The following SLIT2 variants were observed in gnomAD, a reference collection of about 807,000 sequenced individuals.
SLIT2 encodes slit guidance ligand 2.
SLIT2 carries 41 observed loss-of-function variants against 185.7 expected under a neutral mutation model. That is an observed-to-expected ratio of 0.22 (90% CI 0.17 to 0.29). SLIT2 has a LOEUF of 0.29. SLIT2 is among the 10% of genes least tolerant of loss of function. The pLI is 1.00. For synonymous variants in SLIT2, 693 were observed against 680.2 expected, an observed-to-expected ratio of 1.02 and a Z score of -0.29; for missense variants, 1,571 against 1,909.0, an observed-to-expected ratio of 0.82 and a Z score of 3.30.
chr4:20,257,211 A>C (rs1270554054), intron 2 of SLIT2, among the ~76,000 whole-genome samples: 2 of 152,148 alleles, frequency 1.3e-5, no homozygotes, highest in Non-Finnish European at 2.9e-5. Context: ...TTATAATGAT[A>C]CATTAGTCAT....
intron 4 of SLIT2, among the ~76,000 whole-genome samples, chr4:20,345,973 A>C (rs1479664782): frequency 6.6e-6 from 1 of 151,302 alleles, no homozygotes; most frequent in Non-Finnish European, 1.5e-5. Context: ...AAGTTTCTCA[A>C]CCTAGGCACT....
At chr4:20,426,224 G>C (rs1045293300) in intron 4 of SLIT2, among the ~76,000 whole-genome samples, 2 of 152,162 alleles carry the variant, frequency 1.3e-5, no homozygotes, top group Admixed American at 1.3e-4. Context: ...AGTAGGGAAG[G>C]AAAGGATATC....
At position 20,376,115 on chromosome 4, in the gene SLIT2, C is replaced by CTTT. The variant is rs71653881; in HGVS notation, c.396-91613_396-91611dup. Among the ~76,000 whole-genome samples the CTTT allele has an allele frequency of 2.9e-4, 23 of 79,666 alleles. No homozygotes were observed. The East Asian group carries it at 4.0e-3, about 14-fold the overall frequency. The allele number at this position is 79,666 out of a possible 152,430, so 52.3% of individuals were successfully genotyped here. A position where few individuals can be genotyped will look rare whatever the true frequency, so the allele number is the denominator to read the frequency against. On this transcript the variant is annotated intron_variant, in intron 4 of 36. Transcript: ENST00000504154. ...CAATGAGAAGAATATCATTGTTTAA[C>CTTT]TTTTTTTTTTTTTTTTTTTTTTTTT...
At chr4:20,259,231 TA>T (rs1011695687) in intron 3 of SLIT2, among the ~76,000 whole-genome samples, 1 of 151,736 alleles carries the variant, frequency 6.6e-6, no homozygotes, top group African/African-American at 2.4e-5. Flanking sequence ...TCTAAATATA[TA>T]AAAAATACTC....
chr4:20,309,081 C>T (rs1156725188), intron 4 of SLIT2, among the ~76,000 whole-genome samples: 1 of 151,864 alleles, frequency 6.6e-6, no homozygotes, highest in Non-Finnish European at 1.5e-5. Flanking sequence ...TATGATTCTC[C>T]TTGTTTGTAA....
At chr4:20,604,174 C>G (rs1728613721) in intron 33 of SLIT2, among the ~76,000 whole-genome samples, 1 of 151,992 alleles carries the variant, frequency 6.6e-6, no homozygotes, top group Non-Finnish European at 1.5e-5. Context: ...GAATAAATAC[C>G]CAAGTGGGAA....
intron 4 of SLIT2, among the ~76,000 whole-genome samples, chr4:20,438,561 A>T (rs1230391396): frequency 6.6e-6 from 1 of 152,098 alleles, no homozygotes; most frequent in African/African-American, 2.4e-5. Flanking sequence ...GAGCTACAAG[A>T]TGAGATTTGG....
intron 11 of SLIT2, among the ~76,000 whole-genome samples, chr4:20,515,855 A>C (rs1198065915): frequency 2.6e-5 from 4 of 151,888 alleles, no homozygotes. Flanking sequence ...TCGCACTGTC[A>C]CCGAGGCTGG....
chr4:20,402,959 G>A (rs1726476309), intron 4 of SLIT2, among the ~76,000 whole-genome samples: 2 of 151,304 alleles, frequency 1.3e-5, no homozygotes, highest in South Asian at 4.2e-4. Flanking sequence ...CAAATTTCTC[G>A]AGATATATCT....
At chr4:20,279,543 A>G (rs1714517464) in intron 4 of SLIT2, among the ~76,000 whole-genome samples, 1 of 152,196 alleles carries the variant, frequency 6.6e-6, no homozygotes, top group Non-Finnish European at 1.5e-5. Flanking sequence ...AATGTGGTAC[A>G]GATGGTTGAT....
intron 4 of SLIT2, among the ~76,000 whole-genome samples, chr4:20,454,449 G>A (rs779694178): frequency 6.6e-6 from 1 of 152,054 alleles, no homozygotes; most frequent in Non-Finnish European, 1.5e-5. Flanking sequence ...ACATTTACAA[G>A]TTGGCATACT....
chr4:20,279,719 T>C (rs1448320824), intron 4 of SLIT2, among the ~76,000 whole-genome samples: 8 of 152,208 alleles, frequency 5.3e-5, no homozygotes, highest in Admixed American at 5.2e-4. Context: ...CTGAGCTTAC[T>C]ATGGTACTTG....
chr4:20,574,395 C>G (rs1577953418), intron 29 of SLIT2, among the ~76,000 whole-genome samples: 1 of 152,266 alleles, frequency 6.6e-6, no homozygotes, highest in African/African-American at 2.4e-5. Context: ...CTTCAAGTAC[C>G]AAATGCTGGC....
At chr4:20,449,809 A>G (rs1394572253) in intron 4 of SLIT2, among the ~76,000 whole-genome samples, 1 of 152,234 alleles carries the variant, frequency 6.6e-6, no homozygotes, top group African/African-American at 2.4e-5. Context: ...GATAATTAGA[A>G]ACTTTATGGG....
intron 4 of SLIT2, among the ~76,000 whole-genome samples, chr4:20,451,142 G>T (rs1408246167): frequency 6.6e-6 from 1 of 152,124 alleles, no homozygotes; most frequent in African/African-American, 2.4e-5. Flanking sequence ...GGTCACTGTT[G>T]TCCCAGTTCC....
chr4:20,597,631 C>T (rs535210872), intron 32 of SLIT2, among the ~76,000 whole-genome samples: 40 of 152,122 alleles, frequency 2.6e-4, no homozygotes, highest in Non-Finnish European at 5.3e-4. Context: ...ATGTAGACAC[C>T]ACCCCTTTTT....
chr4:20,493,959 C>T (rs1718008012), intron 9 of SLIT2, among the ~76,000 whole-genome samples: 1 of 152,202 alleles, frequency 6.6e-6, no homozygotes, highest in Non-Finnish European at 1.5e-5. Context: ...AGGAATTCAG[C>T]TTGCCTGATA....
At chr4:20,467,412 CT>C (rs945355941) in intron 4 of SLIT2, among the ~76,000 whole-genome samples, 5 of 152,008 alleles carry the variant, frequency 3.3e-5, no homozygotes, top group African/African-American at 1.2e-4. Context: ...TCAGAATCCC[CT>C]GAAACTGAAT....
intron 36 of SLIT2, 41 bp from the exon 37 acceptor site, chr4:20,618,727 T>G: frequency 6.5e-7 from 1 of 1,545,392 alleles, no homozygotes; most frequent in Non-Finnish European, 8.8e-7. Context: ...TGACTTACAG[T>G]GACTGTTCTT....
Sources: allele counts gnomAD v4.1 joint callset (sites outside exome capture counted in the v4.1 genomes callset), GRCh38; gene constraint gnomAD v4.1.1; transcripts MANE v1.5; gene names NCBI Gene and HGNC (gene_info 2026-07-23, HGNC 2026-07-21).